TBC1D4: variants seen among roughly 807,000 people sequenced by gnomAD.
TBC1D4 encodes the protein TBC (Tre-2, BUB2, CDC16) domain-containing protein.
TBC1D4 carries 121 observed loss-of-function variants against 142.5 expected under a neutral mutation model. The ratio of observed to expected loss-of-function variants is 0.85; its 90% CI spans 0.73 to 0.99. The LOEUF (loss-of-function observed/expected upper bound fraction) is 0.99. Ranked by LOEUF, TBC1D4 falls within the 50% of genes least tolerant of loss-of-function variation. TBC1D4 has a pLI of 0.00. For synonymous variants in TBC1D4, 630 were observed against 628.2 expected (o/e 1.00, Z -0.04); for missense variants, 1,475 against 1,606.6 (o/e 0.92, Z 1.40).
intron 1 of TBC1D4, among the ~76,000 whole-genome samples, chr13:75,458,359 C>T (rs921467342): frequency 3.9e-5 from 6 of 152,212 alleles, no homozygotes; most frequent in African/African-American, 1.2e-4. Flanking sequence ...CACAGCTCTG[C>T]CACTCTGCTG....
At chr13:75,366,351 T>C (rs1241622059) in intron 1 of TBC1D4, among the ~76,000 whole-genome samples, 2 of 152,228 alleles carry the variant, frequency 1.3e-5, no homozygotes, top group African/African-American at 4.8e-5. Context: ...ATGGGGGAAC[T>C]TGATAGATGG....
Position 75,326,436 on chromosome 13 carries a change from C to T in TBC1D4, c.1807-13G>A, listed in dbSNP as rs377597718. 10 of 1,613,660 alleles carry T rather than the reference C, an allele frequency of 6.2e-6. No individual in the cohort carries two copies. Among genetic ancestry groups the T allele is most frequent in the African/African-American group, 2.7e-5 (2 of 74,884 alleles). On this transcript the variant is annotated splice_polypyrimidine_tract_variant and intron_variant, in intron 9 of 20. Transcript: ENST00000377636. ...CTGGTGAGTAGTCCTGAAACACAAG[C>T]GGAAGGGAGCCCTTTATTTCCCACG...
chr13:75,327,907 C>T (rs1316266398), intron 8 of TBC1D4, 81 bp from the exon 9 acceptor site: 4 of 1,419,132 alleles, frequency 2.8e-6, no homozygotes, highest in Non-Finnish European at 4.0e-6. Flanking sequence ...TCCAGGTGGT[C>T]TCTTAATGTT....
chr13:75,471,187 C>T lies in TBC1D4; in HGVS notation c.498+10083G>A, dbSNP rs1238866839. On this transcript the variant is annotated intron_variant, in intron 1 of 20. Coordinates refer to ENST00000377636, the MANE Select transcript of TBC1D4 (RefSeq NM_014832.5). ...TATATATATATCTCCAACCTAACTT[C>T]CAGTAGAAGAAACGTGATATGCCAA... 3.3e-5 allele frequency among the ~76,000 whole-genome samples: 5 copies of T among 151,880 alleles called. No homozygotes were observed. The East Asian group carries it at 9.6e-4, about 29-fold the overall frequency.
intron 1 of TBC1D4, among the ~76,000 whole-genome samples, chr13:75,394,314 A>AT (rs984854900): frequency 6.6e-6 from 1 of 152,230 alleles, no homozygotes; most frequent in Middle Eastern, 3.2e-3. Context: ...TTACTTCCTC[A>AT]TTTATTAACA....
chr13:75,306,610 C>A, intron 14 of TBC1D4, 139 bp from the exon 15 acceptor site: 3 of 996,036 alleles, frequency 3.0e-6, no homozygotes, highest in South Asian at 1.6e-5. Context: ...AAATTTAAAA[C>A]AAATTGAGGA....
intron 11 of TBC1D4, among the ~76,000 whole-genome samples, chr13:75,323,888 A>G (rs572198533): frequency 1.2e-4 from 18 of 151,562 alleles, no homozygotes; most frequent in Non-Finnish European, 2.1e-4. Context: ...AAGGCCAAGG[A>G]AAAAAAAAGG....
Position 75,432,083 on chromosome 13 carries a change from A to G in TBC1D4, c.498+49187T>C, listed in dbSNP as rs571138175. 2.0e-5 allele frequency among the ~76,000 whole-genome samples: 3 copies of G among 152,312 alleles called. No homozygotes were observed. In the East Asian group the frequency reaches 5.8e-4, roughly 29 times the overall value. ...GAAAAGTAACAGACACCCAATTCAA[A>G]CTAGCTTAAGCAAATAAAGAGCACT... is the stretch of plus-strand genomic sequence containing the variant. On this transcript the variant is annotated intron_variant, in intron 1 of 20. Coordinates refer to ENST00000377636, the MANE Select transcript of TBC1D4 (RefSeq NM_014832.5).
chr13:75,346,209 G>C (rs570978605), intron 5 of TBC1D4, among the ~76,000 whole-genome samples: 43 of 148,270 alleles, frequency 2.9e-4, no homozygotes, highest in African/African-American at 1.0e-3. Context: ...GAATGTGCAG[G>C]TTTGTTACAC....
rs780548037 is a variant in TBC1D4, at chr13:75,324,218, C to A, written c.2198+19G>T. 1.2e-6 allele frequency: 2 copies of A among 1,613,540 alleles called. No homozygotes were observed. Among genetic ancestry groups the A allele is most frequent in the Admixed American group, 3.3e-5 (2 of 60,010 alleles). Reference sequence around the variant, plus strand: ...ACTGCAGAAAATTTTGCTTTGCAAACAGAGGACACTGATCTCACCTGATTT... The same window carrying A: ...ACTGCAGAAAATTTTGCTTTGCAAAAAGAGGACACTGATCTCACCTGATTT... On this transcript the variant is annotated intron_variant, in intron 11 of 20. Transcript: ENST00000377636.
chr13:75,453,542 T>C (rs1887609690), intron 1 of TBC1D4, among the ~76,000 whole-genome samples: 2 of 152,096 alleles, frequency 1.3e-5, no homozygotes, highest in Admixed American at 6.6e-5. Context: ...ATACTTCCAC[T>C]AGGTAGAAAA....
chr13:75,338,996 G>T (rs1880454700), intron 7 of TBC1D4, among the ~76,000 whole-genome samples: 1 of 152,010 alleles, frequency 6.6e-6, no homozygotes, highest in African/African-American at 2.4e-5. Context: ...ACTTCTCTAG[G>T]GCTCTAGCTT....
At chr13:75,301,103 A>G (rs1179965975) in intron 16 of TBC1D4, among the ~76,000 whole-genome samples, 1 of 152,226 alleles carries the variant, frequency 6.6e-6, no homozygotes, top group Non-Finnish European at 1.5e-5. Context: ...CCCTAATATA[A>G]GATGACCCCA....
rs756657610 is a variant in TBC1D4 at position 75,310,115 on chromosome 13, G to C, written c.2420C>G (p.Pro807Arg). 16 of 1,613,900 alleles carry C rather than the reference G, an allele frequency of 9.9e-6. No individual in the cohort carries two copies. Among genetic ancestry groups the C allele is most frequent in the African/African-American group, 1.3e-5 (1 of 74,930 alleles). The change falls in exon 14 of 21, where the codon CCC becomes CGC. Residue 807 changes from proline (P) to arginine (R), a missense_variant. Physicochemically the swap from Pro to Arg is moderately radical, Grantham distance 103. Around this residue, in one of 2 missense-constraint regions of TBC1D4, gnomAD observed 1,227 missense variants for 1,267.7 expected, o/e 0.97. Coordinates refer to ENST00000377636, the MANE Select transcript of TBC1D4 (RefSeq NM_014832.5). Reference sequence around the variant, plus strand: ...TTCCTCCTCCATGGTTGGAGAGAGGGGGGACAGTGGCAGCAGCTCGTTCCT... The same window carrying C: ...TTCCTCCTCCATGGTTGGAGAGAGGCGGGACAGTGGCAGCAGCTCGTTCCT... ...LDRNELLPLSPLSPTMEEEPL... is the reference protein window; with the variant it reads ...LDRNELLPLSRLSPTMEEEPL...
chr13:75,471,092 T>A (rs1200447752), intron 1 of TBC1D4, among the ~76,000 whole-genome samples: 1 of 151,986 alleles, frequency 6.6e-6, no homozygotes, highest in African/African-American at 2.4e-5. Context: ...CTTTCTTATG[T>A]TAAGACAGAT....
intron 4 of TBC1D4, among the ~76,000 whole-genome samples, chr13:75,354,861 G>T (rs533933): frequency 0.4 from 60,461 of 151,926 alleles, 12,655 homozygotes; most frequent in South Asian, 0.73. Context: ...ATTTACACAA[G>T]GACAATCTCA....
intron 2 of TBC1D4, 61 bp downstream of exon 2, chr13:75,361,965 C>G (rs1593791695): frequency 4.8e-5 from 76 of 1,584,214 alleles, no homozygotes; most frequent in East Asian, 2.2e-5. Context: ...GAACTGGATG[C>G]CCAGCTACTT....
chr13:75,373,383 T>C (rs1381931417), intron 1 of TBC1D4, among the ~76,000 whole-genome samples: 1 of 152,174 alleles, frequency 6.6e-6, no homozygotes, highest in Non-Finnish European at 1.5e-5. Context: ...ACCTCCCTTC[T>C]TCAAAGAAGA....
chr13:75,342,324 T>C (rs891905950), intron 5 of TBC1D4, among the ~76,000 whole-genome samples: 1 of 152,080 alleles, frequency 6.6e-6, no homozygotes, highest in Non-Finnish European at 1.5e-5. Context: ...ACCTAAGACC[T>C]CACATGGAAA....
Sources: allele counts gnomAD v4.1 joint callset (sites outside exome capture counted in the v4.1 genomes callset), GRCh38; gene constraint gnomAD v4.1.1; regional missense constraint gnomAD v4.1.1; transcripts MANE v1.5; gene names NCBI Gene and HGNC (gene_info 2026-07-23, HGNC 2026-07-21).